PRKAR1B: variants seen among roughly 807,000 people sequenced by gnomAD.
PRKAR1B encodes the protein protein kinase cAMP-dependent type I regulatory subunit beta.
Under a neutral mutation model 46.5 loss-of-function variants are expected in PRKAR1B, and 22 were observed. The ratio of observed to expected loss-of-function variants is 0.47; its 90% CI spans 0.34 to 0.68. The LOEUF is 0.68. Ranked by LOEUF, PRKAR1B falls within the 30% of genes least tolerant of loss-of-function variation. The pLI, the probability that PRKAR1B is intolerant of heterozygous loss-of-function variation, is 0.01. For synonymous variants in PRKAR1B, 259 were observed against 217.7 expected, an observed-to-expected ratio of 1.19 and a Z score of -1.67; for missense variants, 445 against 535.6, an observed-to-expected ratio of 0.83 and a Z score of 1.67.
intron 4 of PRKAR1B, among the ~76,000 whole-genome samples, chr7:616,715 A>G (rs186685758): frequency 2.0e-5 from 3 of 151,992 alleles, no homozygotes; most frequent in Admixed American, 2.0e-4. Context: ...TTCCCTCCAC[A>G]CCCAGCTCTA....
At chr7:720,849 G>C (rs148173510) in intron 1 of PRKAR1B, among the ~76,000 whole-genome samples, 1 of 152,170 alleles carries the variant, frequency 6.6e-6, no homozygotes, top group Non-Finnish European at 1.5e-5. Flanking sequence ...TTTGAAGTGA[G>C]CTTCAGCATA....
intron 6 of PRKAR1B, among the ~76,000 whole-genome samples, chr7:604,552 G>A (rs538901830): frequency 4.6e-5 from 7 of 152,208 alleles, no homozygotes; most frequent in Non-Finnish European, 7.3e-5. Context: ...CTCCGCCTGC[G>A]CGGGCCAGGC....
intron 9 of PRKAR1B, among the ~76,000 whole-genome samples, chr7:563,896 T>C (rs1318609016): frequency 6.6e-6 from 1 of 151,958 alleles, no homozygotes; most frequent in African/African-American, 2.4e-5. Flanking sequence ...TATGTGCATG[T>C]GTGCACACGT....
At chr7:662,820 C>A (rs1484272421) in intron 4 of PRKAR1B, among the ~76,000 whole-genome samples, 4 of 152,258 alleles carry the variant, frequency 2.6e-5, no homozygotes. Flanking sequence ...AATGCTGAGT[C>A]CTGGGCCCCA....
Position 551,439 on chromosome 7 carries a change from G to C in PRKAR1B, c.923C>G (p.Pro308Arg). ...GTASVLQRRS[P>R]NEEYVEVGRL... is the part of the protein sequence containing the mutation. ...CCCCACCTCCACGTACTCCTCATTGGGGGACCGGCGCTGCAGCACGGACGC... is the reference window on the plus strand; with the variant it reads ...CCCCACCTCCACGTACTCCTCATTGCGGGACCGGCGCTGCAGCACGGACGC... The change falls in exon 10 of 11, where the codon CCC becomes CGC. Residue 308 changes from proline to arginine, a missense_variant. By Grantham distance (103) the Pro-to-Arg change is moderately radical. Coordinates refer to ENST00000537384, the MANE Select transcript of PRKAR1B (RefSeq NM_001164760.2). 2 of 1,559,782 alleles carry C rather than the reference G, an allele frequency of 1.3e-6. No individual in the cohort carries two copies. Among genetic ancestry groups the C allele is most frequent in the Non-Finnish European group, 1.7e-6 (2 of 1,151,618 alleles).
At chr7:705,100 T>G (rs1004810178) in intron 2 of PRKAR1B, among the ~76,000 whole-genome samples, 18 of 151,970 alleles carry the variant, frequency 1.2e-4, no homozygotes, top group African/African-American at 4.4e-4. Flanking sequence ...AAGACCAACC[T>G]GGCCAACATG....
At chr7:583,426 G>GTGTGAA (rs1562537062) in intron 8 of PRKAR1B, among the ~76,000 whole-genome samples, 1 of 52,382 alleles carries the variant, frequency 1.9e-5, no homozygotes, top group African/African-American at 9.0e-5. Context: ...ACGCACACAC[G>GTGTGAA]CACACACCCA....
intron 4 of PRKAR1B, among the ~76,000 whole-genome samples, chr7:648,104 C>T (rs1197484477): frequency 6.6e-6 from 1 of 151,606 alleles, no homozygotes; most frequent in Non-Finnish European, 1.5e-5. Flanking sequence ...TATGATCACA[C>T]CACTGAACTC....
At chr7:709,276 G>C (rs1372023505) in intron 2 of PRKAR1B, among the ~76,000 whole-genome samples, 1 of 151,332 alleles carries the variant, frequency 6.6e-6, no homozygotes, top group Non-Finnish European at 1.5e-5. Flanking sequence ...TCTATAACGT[G>C]ACTGCAACTA....
chr7:620,605 A>T (rs1420382208), intron 4 of PRKAR1B, among the ~76,000 whole-genome samples: 3 of 152,130 alleles, frequency 2.0e-5, no homozygotes, highest in African/African-American at 7.2e-5. Context: ...AAAATTGTGT[A>T]TATTTATTTA....
chr7:657,282 TG>T (rs1265289907), intron 4 of PRKAR1B, among the ~76,000 whole-genome samples: 20 of 150,878 alleles, frequency 1.3e-4, no homozygotes, highest in African/African-American at 4.6e-4. Context: ...GATGGATGGA[TG>T]GATGGATGGA....
At chr7:583,624 T>G (rs1428698685) in intron 8 of PRKAR1B, among the ~76,000 whole-genome samples, 2 of 78,486 alleles carry the variant, frequency 2.5e-5, no homozygotes, top group African/African-American at 1.1e-4. Context: ...ACGTGCACAC[T>G]CAAACCCCCA....
chr7:588,089 C>T lies in PRKAR1B; in HGVS notation c.709-3521G>A, dbSNP rs532918150. Among the ~76,000 whole-genome samples, 13 of 152,322 alleles carry T rather than the reference C, an allele frequency of 8.5e-5. No homozygotes were observed. The East Asian group carries it at 1.7e-3, about 20-fold the overall frequency. On this transcript the variant is annotated intron_variant, in intron 7 of 10. Transcript: ENST00000537384. ...TGGCCCTCCCCACTCGCTCCCAAGC[C>T]GCCCTCAGTGTCCAGAAACAGACTC... is the stretch of plus-strand genomic sequence containing the variant.
chr7:563,836 G>C (rs1778969527), intron 9 of PRKAR1B, among the ~76,000 whole-genome samples: 1 of 151,826 alleles, frequency 6.6e-6, no homozygotes, highest in Non-Finnish European at 1.5e-5. Flanking sequence ...TGTGCACACG[G>C]ATCAGTGTGT....
At chr7:611,511 G>A (rs563214143) in intron 4 of PRKAR1B, among the ~76,000 whole-genome samples, 21 of 152,284 alleles carry the variant, frequency 1.4e-4, no homozygotes, top group African/African-American at 4.8e-4. Flanking sequence ...GAAAGCCCCC[G>A]CCCACACCAC....
chr7:596,357 T>C, intron 6 of PRKAR1B, 53 bp from the exon 7 acceptor site: 1 of 1,565,104 alleles, frequency 6.4e-7, no homozygotes, highest in South Asian at 1.2e-5. Flanking sequence ...GGTGACCTCC[T>C]CTGCATCCCA....
chr7:664,588 C>T (rs1785800929), intron 4 of PRKAR1B, among the ~76,000 whole-genome samples: 2 of 152,186 alleles, frequency 1.3e-5, no homozygotes, highest in African/African-American at 4.8e-5. Context: ...GGAGACCACA[C>T]ACCACCAAAT....
chr7:613,563 G>C (rs1782644441), intron 4 of PRKAR1B, among the ~76,000 whole-genome samples: 1 of 152,184 alleles, frequency 6.6e-6, no homozygotes, highest in African/African-American at 2.4e-5. Flanking sequence ...GGCGCGCCAA[G>C]CTCAGCCCCT....
In PRKAR1B at chr7:711,509, G is replaced by T; in HGVS notation, c.-4C>A. 6.2e-7 allele frequency: 1 copy of T among 1,612,540 alleles called. No individual in the cohort carries two copies. Among genetic ancestry groups the T allele is most frequent in the Non-Finnish European group, 8.5e-7 (1 of 1,179,258 alleles). ...GGCAGGCGGGCGGGGAGGCCATGGCGAGGGTGGCTGCTTCCTTCCTGTCCA... is the reference window on the plus strand; with the variant it reads ...GGCAGGCGGGCGGGGAGGCCATGGCTAGGGTGGCTGCTTCCTTCCTGTCCA... On this transcript the variant is annotated 5_prime_UTR_variant, in exon 2 of 11. Transcript: ENST00000537384.
Sources: allele counts gnomAD v4.1 joint callset (sites outside exome capture counted in the v4.1 genomes callset), GRCh38; gene constraint gnomAD v4.1.1; transcripts MANE v1.5; gene names NCBI Gene and HGNC (gene_info 2026-07-23, HGNC 2026-07-21).